The following PDCD6 variants were observed in gnomAD, a reference collection of about 807,000 sequenced individuals.
PDCD6 encodes the protein programmed cell death protein 6.
Under a neutral mutation model 28.3 loss-of-function variants are expected in PDCD6, and 12 were observed. The ratio of observed to expected loss-of-function variants is 0.42; its 90% CI spans 0.27 to 0.69. PDCD6 has a LOEUF of 0.69. Among genes scored for constraint, PDCD6 ranks in the 30% least tolerant of loss-of-function variants. The pLI, the probability that PDCD6 is intolerant of heterozygous loss-of-function variation, is 0.22. For synonymous variants in PDCD6, 92 were observed against 108.0 expected, an observed-to-expected ratio of 0.85 and a Z score of 0.92; for missense variants, 226 against 269.9, an observed-to-expected ratio of 0.84 and a Z score of 1.14.
chr5:277,566 G>A (rs1393171700), intron 2 of PDCD6, among the ~76,000 whole-genome samples: 2 of 151,942 alleles, frequency 1.3e-5, no homozygotes, highest in African/African-American at 4.8e-5. Flanking sequence ...CTCCCAAAGT[G>A]CTGGGATTAC....
Position 295,214 on chromosome 5 carries a change from TAAA to T in PDCD6, c.164-8958_164-8956del, listed in dbSNP as rs376736858. 2.6e-5 allele frequency among the ~76,000 whole-genome samples: 3 copies of T among 116,126 alleles called. No individual in the cohort carries two copies. The East Asian group carries it at 6.5e-4, about 25-fold the overall frequency. 76.2% of individuals were successfully genotyped at this position (116,126 alleles called of 152,430 possible). ...AACATATTAAAAAAAACTCTTAAAA[TAAA>T]AAAACCACAAAAAGTATTTCATAAG... is the stretch of plus-strand genomic sequence containing the variant. On this transcript the variant is annotated intron_variant, in intron 2 of 5. Transcript: ENST00000264933.
At chr5:303,567 A>G (rs1352774117) in intron 2 of PDCD6, among the ~76,000 whole-genome samples, 3 of 151,926 alleles carry the variant, frequency 2.0e-5, no homozygotes, top group African/African-American at 7.3e-5. Context: ...TTTCAAGGAA[A>G]ATCATATAAA....
rs935136723 is a variant in PDCD6 at position 314,880 on chromosome 5, C to A, written c.*365C>A. 2.8e-6 allele frequency: 1 copy of A among 354,442 alleles called. No homozygotes were observed. The highest frequency in any genetic ancestry group is 5.5e-6 in the Non-Finnish European group (1 of 183,192). The allele number at this position is 354,442 out of a possible 1,614,324, so 22.0% of individuals were successfully genotyped here. A position where few individuals can be genotyped will look rare whatever the true frequency, so the allele number is the denominator to read the frequency against. ...ATTTTAAAATAACATGGAACTTACA[C>A]AAAAGGCTTTTCATGTGCCTTACTT... On this transcript the variant is annotated 3_prime_UTR_variant, in exon 6 of 6. Transcript: ENST00000264933.
chr5:277,301 ATT>A (rs74799424), intron 2 of PDCD6, among the ~76,000 whole-genome samples: 36,371 of 85,836 alleles, frequency 0.42, 6,336 homozygotes, highest in South Asian at 0.53. Context: ...AATTTTTTGT[ATT>A]TTTTTTTTTT....
At chr5:309,691 C>CCCAGTGAGGGCCGCCGTCCCCGTGCACA (rs1740776758) in intron 4 of PDCD6, 1 of 36,856 alleles carries the variant, frequency 2.7e-5, no homozygotes, top group African/African-American at 8.8e-5. Context: ...CCCCGTGCAC[C>CCCAGTGAGGGCCGCCGTCCCCGTGCACA]CCAGTGAGGG....
rs927774552 is a variant in PDCD6, at chr5:307,877, G to A, written c.367+1117G>A. Among the ~76,000 whole-genome samples the A allele has an allele frequency of 2.0e-4, 30 of 152,236 alleles. No homozygotes were observed. Among genetic ancestry groups the A allele is most frequent in the Middle Eastern group, 3.4e-3 (1 of 294 alleles). On this transcript the variant is annotated intron_variant, in intron 4 of 5. Transcript: ENST00000264933. The surrounding 1 kb of genome is among the most constrained non-coding windows in gnomAD (Gnocchi z 6.1). ...ACCTTACGAGCTTGTCCACAGGGCC[G>A]GGGGTGGACACTGGGTCTCCTCAAG...
At chr5:286,056 C>G (rs1158314724) in intron 2 of PDCD6, among the ~76,000 whole-genome samples, 1 of 136,348 alleles carries the variant, frequency 7.3e-6, no homozygotes, top group Non-Finnish European at 1.5e-5. Flanking sequence ...GTGGGGGGAG[C>G]TGATGGTGCA....
intron 2 of PDCD6, among the ~76,000 whole-genome samples, chr5:279,488 A>G (rs182051615): frequency 7.3e-4 from 111 of 152,288 alleles, no homozygotes; most frequent in Non-Finnish European, 1.2e-3. Context: ...AGGCCAGACT[A>G]GATCAGCCTA....
chr5:272,598 C>G, intron 1 of PDCD6, 113 bp from the exon 2 acceptor site: 6 of 1,363,094 alleles, frequency 4.4e-6, no homozygotes, highest in Middle Eastern at 2.8e-4. Flanking sequence ...ACGGGAGAGG[C>G]GGAGGTTCCA....
Position 307,912 on chromosome 5 carries a change from T to C in PDCD6, c.367+1152T>C, listed in dbSNP as rs1330574175. On this transcript the variant is annotated intron_variant, in intron 4 of 5. Transcript: ENST00000264933. This position sits in a 1 kb window ranked among gnomAD's most constrained non-coding sequence, Gnocchi z 6.1. Reference sequence around the variant, plus strand: ...ACTGGGTCTCCTCAAGAAGCAGTTCTGAGCTGACCAGCTGCGAGCCAGGAT... The same window carrying C: ...ACTGGGTCTCCTCAAGAAGCAGTTCCGAGCTGACCAGCTGCGAGCCAGGAT... 2.0e-5 allele frequency among the ~76,000 whole-genome samples: 3 copies of C among 152,338 alleles called. No homozygotes were observed. Among genetic ancestry groups the C allele is most frequent in the Admixed American group, 2.0e-4 (3 of 15,310 alleles).
At position 314,563 on chromosome 5, in the gene PDCD6, TCA is replaced by T; in HGVS notation, c.*51_*52del. On this transcript the variant is annotated 3_prime_UTR_variant, in exon 6 of 6. Coordinates refer to ENST00000264933, the MANE Select transcript of PDCD6 (RefSeq NM_013232.4). ...GCACAACATGGAAAGAGCCAAAATGTCACAGTTCCTATCTGTGAGGGAATGGA... is the reference window on the plus strand; with the variant it reads ...GCACAACATGGAAAGAGCCAAAATGTCAGTTCCTATCTGTGAGGGAATGGA... The T allele has an allele frequency of 2.3e-6, 3 of 1,299,272 alleles. No homozygotes were observed. The highest frequency in any genetic ancestry group is 4.6e-5 in the East Asian group (2 of 43,444). The allele number at this position is 1,299,272 out of a possible 1,614,324, so 80.5% of individuals were successfully genotyped here. A position where few individuals can be genotyped will look rare whatever the true frequency, so the allele number is the denominator to read the frequency against.
chr5:290,206 A>G, intron 2 of PDCD6: 13 of 1,566,858 alleles, frequency 8.3e-6, no homozygotes, highest in Non-Finnish European at 1.1e-5. Flanking sequence ...GGACCACTGA[A>G]TCTGTTTCTC....
In PDCD6 at chr5:307,813, A is replaced by G. The variant is rs952122535; in HGVS notation, c.367+1053A>G. Among the ~76,000 whole-genome samples, 2 of 151,996 alleles carry G rather than the reference A, an allele frequency of 1.3e-5. No individual in the cohort carries two copies. Among genetic ancestry groups the G allele is most frequent in the Non-Finnish European group, 2.9e-5 (2 of 67,998 alleles). On this transcript the variant is annotated intron_variant, in intron 4 of 5. Coordinates refer to ENST00000264933, the MANE Select transcript of PDCD6 (RefSeq NM_013232.4). This position sits in a 1 kb window ranked among gnomAD's most constrained non-coding sequence, Gnocchi z 6.1. The stretch of plus-strand genomic sequence containing the variant: ...GCCTCTCCTCGTGTTTCCTCCCAGC[A>G]TGCACTTTGTGGCTGCCTTTCTTTC...
intron 2 of PDCD6, among the ~76,000 whole-genome samples, chr5:288,432 A>G (rs2126715358): frequency 6.6e-6 from 1 of 151,550 alleles, no homozygotes; most frequent in Admixed American, 6.6e-5. Flanking sequence ...AAAATGTGAA[A>G]ACTGCTAGAG....
intron 4 of PDCD6, 136 bp downstream of exon 4, chr5:306,896 C>T: frequency 1.2e-6 from 1 of 823,140 alleles, no homozygotes; most frequent in South Asian, 1.5e-5. Flanking sequence ...CATGCAGGTT[C>T]ATATTTGATA....
At chr5:289,594 T>A (rs1739193083) in intron 2 of PDCD6, 11 of 950,926 alleles carry the variant, frequency 1.2e-5, no homozygotes, top group Non-Finnish European at 1.9e-5. Context: ...TCTTTTTACC[T>A]CATGCCCCTC....
chr5:311,349 G>A lies in PDCD6; in HGVS notation c.424G>A (p.Gly142Arg). The part of the protein sequence containing the change: ...DILIRKFDRQ[G>R]RGQIAFDDFI... ...CCTCATTCGAAAGTTTGACAGGCAG[G>A]GACGGGGGCAGATTGCCTTCGACGA... is the stretch of plus-strand genomic sequence containing the variant. Residue 142 changes from glycine to arginine, a missense_variant, in exon 5 of 6, where the codon GGA becomes AGA. Physicochemically the swap from Gly to Arg is moderately radical, Grantham distance 125. This residue lies in a region of PDCD6 where 151 missense variants were observed against 177.2 expected (regional missense o/e 0.85). Transcript: ENST00000264933. 6.2e-7 allele frequency: 1 copy of A among 1,614,086 alleles called. No homozygotes were observed. The highest frequency in any genetic ancestry group is 8.5e-7 in the Non-Finnish European group (1 of 1,179,972).
At chr5:312,714 G>C (rs1161094107) in intron 5 of PDCD6, among the ~76,000 whole-genome samples, 1 of 152,188 alleles carries the variant, frequency 6.6e-6, no homozygotes, top group Non-Finnish European at 1.5e-5. Context: ...GGAGGCTGAG[G>C]CAGGAGAATC....
chr5:303,687 C>A (rs1740280307), intron 2 of PDCD6, among the ~76,000 whole-genome samples: 1 of 151,534 alleles, frequency 6.6e-6, no homozygotes, highest in Admixed American at 6.6e-5. Flanking sequence ...CTGGTACTTG[C>A]ACCTTTCAGT....
Sources: allele counts gnomAD v4.1 joint callset (sites outside exome capture counted in the v4.1 genomes callset), GRCh38; gene constraint gnomAD v4.1.1; regional missense constraint gnomAD v4.1.1; non-coding constraint Gnocchi (gnomAD v3.1); transcripts MANE v1.5; gene names NCBI Gene and HGNC (gene_info 2026-07-23, HGNC 2026-07-21).